DYNC1H1: variants seen among roughly 807,000 people sequenced by gnomAD.
DYNC1H1 encodes dynein cytoplasmic 1 heavy chain 1.
A neutral mutation model predicts 527.1 loss-of-function variants in DYNC1H1; 51 were observed. The ratio of observed to expected loss-of-function variants is 0.10; its 90% CI spans 0.08 to 0.12. The LOEUF (loss-of-function observed/expected upper bound fraction) is 0.12. Among genes scored for constraint, DYNC1H1 ranks in the 10% least tolerant of loss-of-function variants. The pLI is 1.00. For missense variants in DYNC1H1, 2,771 were observed against 5,971.8 expected, an observed-to-expected ratio of 0.46 and a Z score of 17.66; for synonymous variants, 2,189 against 2,278.8, an observed-to-expected ratio of 0.96 and a Z score of 1.12.
chr14:101,973,174 T>C (rs938844068), intron 1 of DYNC1H1, among the ~76,000 whole-genome samples: 10 of 151,996 alleles, frequency 6.6e-5, no homozygotes, highest in Non-Finnish European at 1.3e-4. Flanking sequence ...TTTGGAAGAA[T>C]TATTGTCTCT....
Position 102,053,751 on chromosome 14 carries a change from G to GTTTTTT in DYNC1H1, c.*3198_*3203dup, listed in dbSNP as rs952994047. The GTTTTTT allele has an allele frequency of 0.018, 2,093 of 117,986 alleles. 69 individuals carry two copies. Among genetic ancestry groups the GTTTTTT allele is most frequent in the African/African-American group, 0.068 (1,955 of 28,842 alleles). 7.3% of individuals were successfully genotyped at this position (117,986 alleles called of 1,614,324 possible). On this transcript the variant is annotated 3_prime_UTR_variant, in exon 78 of 78. Transcript: ENST00000360184. ...GCCACCACACTCGGCCTCTTTGTTT[G>GTTTTTT]TTTTTTTTTTTTTTTGAGACAGTCT... is the stretch of plus-strand genomic sequence containing the variant.
chr14:101,988,673 C>T, intron 9 of DYNC1H1, 30 bp from the exon 10 acceptor site: 1 of 1,613,982 alleles, frequency 6.2e-7, no homozygotes, highest in Non-Finnish European at 8.5e-7. Context: ...TTAGAAGAAA[C>T]ACTGTTCTCT....
chr14:102,012,153 T>C lies in DYNC1H1; in HGVS notation c.6857+40T>C. On this transcript the variant is annotated intron_variant, in intron 33 of 77. Transcript: ENST00000360184. The surrounding 1 kb of genome is among the most constrained non-coding windows in gnomAD (Gnocchi z 4.9). Reference sequence around the variant, plus strand: ...ATCTGTGTTTGTGTTCTCCTGGATATGGGCGCTAAGTACTTTGCTCTCACA... The same window carrying C: ...ATCTGTGTTTGTGTTCTCCTGGATACGGGCGCTAAGTACTTTGCTCTCACA... The C allele has an allele frequency of 6.2e-7, 1 of 1,613,270 alleles. No homozygotes were observed. Among genetic ancestry groups the C allele is most frequent in the Non-Finnish European group, 8.5e-7 (1 of 1,179,258 alleles).
At chr14:101,995,387 G>A (rs543948646) in intron 15 of DYNC1H1, 87 bp downstream of exon 15, 267 of 1,508,128 alleles carry the variant, frequency 1.8e-4, no homozygotes, top group Middle Eastern at 9.4e-4. Context: ...CGAGGCGGGC[G>A]GATCACGAGG....
At chr14:102,034,482 G>T (rs760131697) in intron 56 of DYNC1H1, 30 bp downstream of exon 56, 7 of 1,612,124 alleles carry the variant, frequency 4.3e-6, no homozygotes, top group Non-Finnish European at 5.9e-6. Context: ...GGAGAGGCAT[G>T]GGAGGAATGT....
chr14:101,998,037 G>A (rs984268439), intron 16 of DYNC1H1, among the ~76,000 whole-genome samples: 43 of 152,180 alleles, frequency 2.8e-4, no homozygotes, highest in African/African-American at 1.2e-4. Flanking sequence ...AGTGTGTGTG[G>A]TTACTGGAAG....
chr14:101,986,600 G>A lies in DYNC1H1; in HGVS notation c.2375G>A (p.Cys792Tyr), dbSNP rs976305931. The A allele has an allele frequency of 2.5e-6, 4 of 1,613,400 alleles. No homozygotes were observed. In the Middle Eastern group the frequency reaches 6.6e-4, roughly 266 times the overall value. ...AGCGTTCGTACCTATGAACGGACCT[G>A]CGAGAAGGTGGAGGAGCGGAACACC... is the stretch of plus-strand genomic sequence containing the variant. ...IESVRTYERT[C>Y]EKVEERNTIS... The change falls in exon 8 of 78, where the codon TGC becomes TAC. Residue 792 changes from cysteine to tyrosine, a missense_variant. Physicochemically the swap from Cys to Tyr is radical, Grantham distance 194. Coordinates refer to ENST00000360184, the MANE Select transcript of DYNC1H1 (RefSeq NM_001376.5). This position sits in a 1 kb window ranked among gnomAD's most constrained non-coding sequence, Gnocchi z 8.7.
At chr14:101,989,145 C>CT (rs1009402565) in intron 10 of DYNC1H1, among the ~76,000 whole-genome samples, 2 of 152,180 alleles carry the variant, frequency 1.3e-5, no homozygotes, top group African/African-American at 4.8e-5. Context: ...CTTGTACTTC[C>CT]TTTGAAACTC....
At chr14:102,019,805 A>C (rs1260176354) in intron 41 of DYNC1H1, 88 bp from the exon 42 acceptor site, 1 of 1,532,698 alleles carries the variant, frequency 6.5e-7, no homozygotes, top group African/African-American at 1.4e-5. Flanking sequence ...TCTTTAATGT[A>C]AACATGTTTT....
At chr14:101,973,644 T>C (rs1490650844) in intron 1 of DYNC1H1, among the ~76,000 whole-genome samples, 18 of 151,948 alleles carry the variant, frequency 1.2e-4, no homozygotes, top group Non-Finnish European at 5.9e-5. Context: ...CTCTAAAAAA[T>C]GTTTTAAAAA....
intron 12 of DYNC1H1, 77 bp from the exon 13 acceptor site, chr14:101,994,596 A>C (rs1352445328): frequency 3.8e-6 from 6 of 1,562,828 alleles, no homozygotes; most frequent in Non-Finnish European, 5.3e-6. Flanking sequence ...TTCTTAATGG[A>C]ATGTGAACAT....
chr14:102,038,679 C>G lies in DYNC1H1; in HGVS notation c.11056-19C>G, dbSNP rs971995928. ...TGAAACTGGATTAAGACAGACTGTT[C>G]TGTTACCTATTTTGGCAGGTCGAGT... On this transcript the variant is annotated intron_variant, in intron 58 of 77. Coordinates refer to ENST00000360184, the MANE Select transcript of DYNC1H1 (RefSeq NM_001376.5). The surrounding 1 kb of genome is among the most constrained non-coding windows in gnomAD (Gnocchi z 7.2). 2 of 1,614,106 alleles carry G rather than the reference C, an allele frequency of 1.2e-6. No individual in the cohort carries two copies. Among genetic ancestry groups the G allele is most frequent in the African/African-American group, 1.3e-5 (1 of 74,930 alleles).
Position 102,033,515 on chromosome 14 carries a change from T to G in DYNC1H1, c.10413+31T>G. ...ATTATCATCATTGATCCTCAGCCTTTCCTGCTGTGGAAGCAGAGATTAACA... is the reference window on the plus strand; with the variant it reads ...ATTATCATCATTGATCCTCAGCCTTGCCTGCTGTGGAAGCAGAGATTAACA... On this transcript the variant is annotated intron_variant, in intron 54 of 77. Coordinates refer to ENST00000360184, the MANE Select transcript of DYNC1H1 (RefSeq NM_001376.5). This position sits in a 1 kb window ranked among gnomAD's most constrained non-coding sequence, Gnocchi z 5.6. 1.2e-6 allele frequency: 2 copies of G among 1,612,040 alleles called. No homozygotes were observed. The highest frequency in any genetic ancestry group is 1.7e-6 in the Non-Finnish European group (2 of 1,178,802).
chr14:101,988,010 G>A (rs564386915), intron 9 of DYNC1H1, among the ~76,000 whole-genome samples: 17 of 152,182 alleles, frequency 1.1e-4, no homozygotes. Context: ...CCCAGGAGGC[G>A]GAGGTTGCAA....
rs751848418 is a variant in DYNC1H1 at position 102,015,351 on chromosome 14, C to T, written c.7242+19C>T. ...GCTGCAGGTACGCCCAGGTGGGACC[C>T]CACATATCATGACCTGAGGGTGCTA... On this transcript the variant is annotated intron_variant, in intron 35 of 77. Coordinates refer to ENST00000360184, the MANE Select transcript of DYNC1H1 (RefSeq NM_001376.5). The surrounding 1 kb of genome is among the most constrained non-coding windows in gnomAD (Gnocchi z 6.9). The T allele has an allele frequency of 1.3e-6, 2 of 1,597,928 alleles. No individual in the cohort carries two copies.
chr14:101,994,584 C>A, intron 12 of DYNC1H1, 89 bp from the exon 13 acceptor site: 6 of 1,530,708 alleles, frequency 3.9e-6, no homozygotes, highest in East Asian at 2.3e-5. Flanking sequence ...AAGACATGAA[C>A]CTTCTTAATG....
chr14:102,023,237 G>A, intron 43 of DYNC1H1: 1 of 351,044 alleles, frequency 2.8e-6, no homozygotes, highest in South Asian at 2.2e-5. Context: ...GCAAAACCCT[G>A]TTTCAAAAAA....
At chr14:101,984,928 G>A (rs1476736926) in intron 7 of DYNC1H1, among the ~76,000 whole-genome samples, 5 of 99,748 alleles carry the variant, frequency 5.0e-5, no homozygotes, top group East Asian at 3.0e-4. Flanking sequence ...GGGAGGCTCC[G>A]TCTCAAAAAA....
intron 43 of DYNC1H1, among the ~76,000 whole-genome samples, chr14:102,024,268 C>G (rs2048422530): frequency 6.6e-6 from 1 of 152,222 alleles, no homozygotes; most frequent in South Asian, 2.1e-4. Context: ...TGTGAGTTGT[C>G]CTTTTTCTCT....
Sources: allele counts gnomAD v4.1 joint callset (sites outside exome capture counted in the v4.1 genomes callset), GRCh38; gene constraint gnomAD v4.1.1; non-coding constraint Gnocchi (gnomAD v3.1); transcripts MANE v1.5; gene names NCBI Gene and HGNC (gene_info 2026-07-23, HGNC 2026-07-21).